The following ALK variants were observed in gnomAD, a reference collection of about 807,000 sequenced individuals.
ALK encodes ALK tyrosine kinase receptor.
Under a neutral mutation model 163.1 loss-of-function variants are expected in ALK, and 74 were observed. That is an observed-to-expected ratio of 0.45 (90% CI 0.38 to 0.55). ALK has a LOEUF of 0.55. Ranked by LOEUF, ALK falls within the 20% of genes least tolerant of loss-of-function variation. The pLI, the probability that ALK is intolerant of heterozygous loss-of-function variation, is 0.00. For missense variants in ALK, 2,063 were observed against 2,105.3 expected (o/e 0.98, Z 0.39); for synonymous variants, 960 against 843.2 (o/e 1.14, Z -2.40).
At chr2:29,780,692 AC>A (rs1681309142) in intron 1 of ALK, among the ~76,000 whole-genome samples, 1 of 152,170 alleles carries the variant, frequency 6.6e-6, no homozygotes, top group African/African-American at 2.4e-5. Flanking sequence ...CGTTAGCACA[AC>A]CCATGGCGTT....
chr2:29,570,707 C>G (rs996485203), intron 3 of ALK, among the ~76,000 whole-genome samples: 1 of 152,156 alleles, frequency 6.6e-6, no homozygotes, highest in African/African-American at 2.4e-5. Context: ...ACGTTTCGCT[C>G]TCTCGACAGT....
chr2:29,553,791 T>A (rs914281449), intron 3 of ALK, among the ~76,000 whole-genome samples: 25 of 152,228 alleles, frequency 1.6e-4, no homozygotes, highest in Admixed American at 7.2e-4. Context: ...AATTTGCATG[T>A]CTTTAATTAC....
chr2:29,197,906 G>C (rs2148144102), intron 26 of ALK, among the ~76,000 whole-genome samples: 1 of 152,180 alleles, frequency 6.6e-6, no homozygotes, highest in East Asian at 1.9e-4. Context: ...TCTGTGCTGA[G>C]ATTTTTTTTC....
At chr2:29,766,915 G>A (rs1019108572) in intron 1 of ALK, among the ~76,000 whole-genome samples, 1 of 152,074 alleles carries the variant, frequency 6.6e-6, no homozygotes, top group Non-Finnish European at 1.5e-5. Flanking sequence ...CCTCCAAAAG[G>A]CTCTTCTAGA....
chr2:29,379,614 G>A (rs1016486102), intron 5 of ALK, among the ~76,000 whole-genome samples: 1 of 152,182 alleles, frequency 6.6e-6, no homozygotes, highest in Non-Finnish European at 1.5e-5. Flanking sequence ...CAGGAAATGA[G>A]TAAGGTGGTC....
chr2:29,592,616 A>G (rs7561914), intron 3 of ALK, among the ~76,000 whole-genome samples: 111,559 of 152,092 alleles, frequency 0.73, 41,114 homozygotes, highest in African/African-American at 0.8. Context: ...TTATGAAACT[A>G]GAGAAATAAC....
At chr2:29,547,849 AG>A (rs1673597332) in intron 3 of ALK, among the ~76,000 whole-genome samples, 1 of 152,240 alleles carries the variant, frequency 6.6e-6, no homozygotes, top group Non-Finnish European at 1.5e-5. Context: ...TATGGTTGCC[AG>A]GTTCAGCAAA....
chr2:29,749,747 TAGCCGAAC>T (rs140629374), intron 1 of ALK, among the ~76,000 whole-genome samples: 2,148 of 152,332 alleles, frequency 0.014, 49 homozygotes, highest in African/African-American at 0.049. Context: ...AACTTCAGTT[TAGCCGAAC>T]AGCTTATCTA....
At chr2:29,784,985 A>AG (rs35834616) in intron 1 of ALK, among the ~76,000 whole-genome samples, 150,235 of 152,132 alleles carry the variant, frequency 0.99, 74,200 homozygotes, top group East Asian at 1. Context: ...CTGACACAGA[A>AG]GGGAGGATCA....
chr2:29,753,597 G>C (rs144327707), intron 1 of ALK, among the ~76,000 whole-genome samples: 1 of 152,184 alleles, frequency 6.6e-6, no homozygotes, highest in African/African-American at 2.4e-5. Context: ...GAGTTGGAGG[G>C]ATTAAGGAGG....
At chr2:29,515,270 C>T (rs935162829) in intron 4 of ALK, among the ~76,000 whole-genome samples, 1 of 152,134 alleles carries the variant, frequency 6.6e-6, no homozygotes, top group African/African-American at 2.4e-5. Context: ...CAAGCCTGTA[C>T]CCCTCTGTCA....
intron 8 of ALK, among the ~76,000 whole-genome samples, chr2:29,316,411 C>T (rs573060269): frequency 6.6e-6 from 1 of 151,870 alleles, no homozygotes; most frequent in Non-Finnish European, 1.5e-5. Context: ...CAGCCCAGAG[C>T]AAATTAGACT....
chr2:29,284,834 C>A lies in ALK; in HGVS notation c.1818-9338G>T, dbSNP rs530981904. The stretch of plus-strand genomic sequence containing the variant: ...TTCTATATATCAATGCCTGGTTGCA[C>A]ATCGTGTGCTGAGCCACCGGCCGCA... On this transcript the variant is annotated intron_variant, in intron 9 of 28. Transcript: ENST00000389048. Among the ~76,000 whole-genome samples the A allele has an allele frequency of 7.0e-4, 107 of 152,204 alleles. 1 individual carries two copies. Among genetic ancestry groups the A allele is most frequent in the Admixed American group, 3.0e-3 (46 of 15,286 alleles).
intron 3 of ALK, among the ~76,000 whole-genome samples, chr2:29,662,707 C>A (rs1360493800): frequency 7.6e-6 from 1 of 131,218 alleles, no homozygotes; most frequent in Non-Finnish European, 1.7e-5. Flanking sequence ...TCTCTTCTTT[C>A]CAGAAATATC....
At chr2:29,532,827 C>T (rs1673155694) in intron 3 of ALK, among the ~76,000 whole-genome samples, 1 of 152,192 alleles carries the variant, frequency 6.6e-6, no homozygotes. Flanking sequence ...CTCACTTCTG[C>T]TTTGAAGTTT....
chr2:29,914,180 A>C (rs548059194), intron 1 of ALK, among the ~76,000 whole-genome samples: 1 of 152,344 alleles, frequency 6.6e-6, no homozygotes, highest in South Asian at 2.1e-4. Flanking sequence ...GGGAGGAAGT[A>C]AATACCACAC....
chr2:29,689,084 A>C (rs1003037718), intron 3 of ALK, among the ~76,000 whole-genome samples: 5 of 151,988 alleles, frequency 3.3e-5, no homozygotes, highest in Non-Finnish European at 7.4e-5. Flanking sequence ...ACCCTTCCTC[A>C]CCTAGGGAAC....
At chr2:29,772,138 T>C (rs1320588606) in intron 1 of ALK, among the ~76,000 whole-genome samples, 1 of 151,988 alleles carries the variant, frequency 6.6e-6, no homozygotes, top group Non-Finnish European at 1.5e-5. Flanking sequence ...TTCTTGAAGA[T>C]GAGATTGGTG....
At position 29,681,980 on chromosome 2, in the gene ALK, T is replaced by C. The variant is rs1678084756; in HGVS notation, c.952+12870A>G. On this transcript the variant is annotated intron_variant, in intron 3 of 28. Coordinates refer to ENST00000389048, the MANE Select transcript of ALK (RefSeq NM_004304.5). ...ATTTAGGCAACTAAGCTTGTTTCTC[T>C]AGCAAGCAATGTTTCCTAAATTTGT... Among the ~76,000 whole-genome samples the C allele has an allele frequency of 2.0e-5, 3 of 152,200 alleles. No individual in the cohort carries two copies. In the South Asian group the frequency reaches 6.2e-4, roughly 32 times the overall value.
Sources: allele counts gnomAD v4.1 joint callset (sites outside exome capture counted in the v4.1 genomes callset), GRCh38; gene constraint gnomAD v4.1.1; transcripts MANE v1.5; gene names NCBI Gene and HGNC (gene_info 2026-07-23, HGNC 2026-07-21).